Variants in SSBP2 observed in about 807,000 individuals in gnomAD.
SSBP2 encodes the protein single stranded DNA binding protein 2.
Under a neutral mutation model 61.8 loss-of-function variants are expected in SSBP2, and 17 were observed. The ratio of observed to expected loss-of-function variants is 0.28; its 90% CI spans 0.19 to 0.41. The LOEUF (loss-of-function observed/expected upper bound fraction) is 0.41. SSBP2 is among the 10% of genes least tolerant of loss of function. The pLI is 1.00. For missense variants in SSBP2, 310 were observed against 458.7 expected, an observed-to-expected ratio of 0.68 and a Z score of 2.96; for synonymous variants, 139 against 141.3, an observed-to-expected ratio of 0.98 and a Z score of 0.12.
chr5:81,669,152 G>A (rs1751390237), intron 1 of SSBP2, among the ~76,000 whole-genome samples: 1 of 152,136 alleles, frequency 6.6e-6, no homozygotes, highest in Non-Finnish European at 1.5e-5. Flanking sequence ...ATAAAACTTT[G>A]CAAAGTAATT....
chr5:81,734,296 TAACA>T (rs1490472649), intron 1 of SSBP2, among the ~76,000 whole-genome samples: 1 of 152,224 alleles, frequency 6.6e-6, no homozygotes, highest in Non-Finnish European at 1.5e-5. Flanking sequence ...TGAATAACAT[TAACA>T]AAGTATCTCT....
chr5:81,521,310 T>C (rs2154094104), intron 4 of SSBP2, among the ~76,000 whole-genome samples: 1 of 152,162 alleles, frequency 6.6e-6, no homozygotes, highest in East Asian at 1.9e-4. Context: ...TCATCTCTTC[T>C]TCAGTAATAA....
chr5:81,422,230 G>A (rs187898318), intron 16 of SSBP2, among the ~76,000 whole-genome samples: 1 of 152,122 alleles, frequency 6.6e-6, no homozygotes, highest in Admixed American at 6.5e-5. Context: ...TTGGCAGAAA[G>A]AGAATAAAAT....
At chr5:81,630,713 G>GA (rs1419839012) in intron 3 of SSBP2, among the ~76,000 whole-genome samples, 2 of 146,378 alleles carry the variant, frequency 1.4e-5, no homozygotes, top group African/African-American at 5.0e-5. Flanking sequence ...ACAGAAAAAG[G>GA]AAAAAAATGG....
At chr5:81,678,557 A>G (rs1483869223) in intron 1 of SSBP2, among the ~76,000 whole-genome samples, 1 of 152,114 alleles carries the variant, frequency 6.6e-6, no homozygotes, top group East Asian at 1.9e-4. Flanking sequence ...CCAAACCACA[A>G]ATCTAGGAAG....
intron 3 of SSBP2, among the ~76,000 whole-genome samples, chr5:81,628,943 T>A (rs920857506): frequency 6.6e-6 from 1 of 152,116 alleles, no homozygotes; most frequent in African/African-American, 2.4e-5. Flanking sequence ...CACCAACTTT[T>A]CCCCCGAGTC....
intron 1 of SSBP2, among the ~76,000 whole-genome samples, chr5:81,698,478 G>A (rs1223780567): frequency 6.6e-6 from 1 of 152,134 alleles, no homozygotes; most frequent in African/African-American, 2.4e-5. Flanking sequence ...GACAGGTTAA[G>A]GGGTGGCAAA....
intron 1 of SSBP2, among the ~76,000 whole-genome samples, chr5:81,741,248 T>A (rs192459660): frequency 6.6e-6 from 1 of 152,216 alleles, no homozygotes; most frequent in African/African-American, 2.4e-5. Flanking sequence ...AAATACTATA[T>A]GATCCCACTT....
chr5:81,730,958 A>C (rs1360917009), intron 1 of SSBP2, among the ~76,000 whole-genome samples: 2 of 152,222 alleles, frequency 1.3e-5, no homozygotes, highest in Non-Finnish European at 2.9e-5. Flanking sequence ...TACAATCTTA[A>C]CCATTTTTAA....
Position 81,545,257 on chromosome 5 carries a change from A to T in SSBP2, c.283-31540T>A, listed in dbSNP as rs535119824. Among the ~76,000 whole-genome samples the T allele has an allele frequency of 2.0e-5, 3 of 152,322 alleles. No homozygotes were observed. In the South Asian group the frequency reaches 6.2e-4, roughly 32 times the overall value. ...TTGTTTATTGCTTATTTGAAATTCA[A>T]ATGTAACTGGGCATCTTGAATTTTA... On this transcript the variant is annotated intron_variant, in intron 4 of 16. Coordinates refer to ENST00000320672, the MANE Select transcript of SSBP2 (RefSeq NM_012446.5).
intron 4 of SSBP2, among the ~76,000 whole-genome samples, chr5:81,595,052 G>A (rs529041208): frequency 6.6e-6 from 1 of 152,208 alleles, no homozygotes; most frequent in Admixed American, 6.5e-5. Context: ...ATGAATCCAG[G>A]AGCTGGTTTT....
chr5:81,734,467 GA>G (rs1317592357), intron 1 of SSBP2, among the ~76,000 whole-genome samples: 1 of 152,104 alleles, frequency 6.6e-6, no homozygotes, highest in Middle Eastern at 3.2e-3. Flanking sequence ...AGACTTGTCA[GA>G]AGACAAGCAA....
chr5:81,687,723 C>A (rs1402448827), intron 1 of SSBP2, among the ~76,000 whole-genome samples: 1 of 152,160 alleles, frequency 6.6e-6, no homozygotes, highest in Non-Finnish European at 1.5e-5. Context: ...CCCTAGCTCC[C>A]AGAAGACATT....
intron 8 of SSBP2, 49 bp from the exon 9 acceptor site, chr5:81,467,114 G>A (rs1372602350): frequency 8.1e-7 from 1 of 1,233,526 alleles, no homozygotes. Context: ...GGAAAGAAAG[G>A]AGAGCACGTT....
intron 1 of SSBP2, among the ~76,000 whole-genome samples, chr5:81,665,099 T>C (rs548045382): frequency 1.3e-5 from 2 of 152,290 alleles, no homozygotes; most frequent in African/African-American, 2.4e-5. Flanking sequence ...CTGTAAAAAA[T>C]ATCAATGGTA....
intron 2 of SSBP2, among the ~76,000 whole-genome samples, chr5:81,646,210 C>T (rs953750035): frequency 1.3e-5 from 2 of 152,148 alleles, no homozygotes; most frequent in African/African-American, 4.8e-5. Context: ...CAGAAGAGCT[C>T]ATTAACATCA....
chr5:81,430,714 T>C (rs1372286406), intron 15 of SSBP2, among the ~76,000 whole-genome samples: 1 of 99,518 alleles, frequency 1.0e-5, no homozygotes, highest in Non-Finnish European at 1.9e-5. Context: ...CTCAGCATTA[T>C]ACTCTTCTGT....
At chr5:81,736,536 A>G (rs186189235) in intron 1 of SSBP2, among the ~76,000 whole-genome samples, 3 of 152,286 alleles carry the variant, frequency 2.0e-5, no homozygotes, top group Non-Finnish European at 2.9e-5. Flanking sequence ...TGTTTTTCTC[A>G]TTAAATATCA....
chr5:81,730,797 G>A (rs1032780584), intron 1 of SSBP2, among the ~76,000 whole-genome samples: 1 of 152,156 alleles, frequency 6.6e-6, no homozygotes, highest in Non-Finnish European at 1.5e-5. Context: ...TTCCTTTTAA[G>A]TGATGAAATT....
Sources: allele counts gnomAD v4.1 joint callset (sites outside exome capture counted in the v4.1 genomes callset), GRCh38; gene constraint gnomAD v4.1.1; transcripts MANE v1.5; gene names NCBI Gene and HGNC (gene_info 2026-07-23, HGNC 2026-07-21).